The following SLC38A4 variants were observed in gnomAD, a reference collection of about 807,000 sequenced individuals.
SLC38A4 encodes the protein solute carrier family 38 member 4.
SLC38A4 carries 20 observed loss-of-function variants against 63.1 expected under a neutral mutation model. The ratio of observed to expected loss-of-function variants is 0.32; its 90% CI spans 0.22 to 0.46. SLC38A4 has a LOEUF of 0.46. Among genes scored for constraint, SLC38A4 ranks in the 20% least tolerant of loss-of-function variants. SLC38A4 has a pLI of 1.00. For synonymous variants in SLC38A4, 230 were observed against 225.5 expected (o/e 1.02, Z -0.18); for missense variants, 526 against 663.6 (o/e 0.79, Z 2.28).
At chr12:46,805,917 A>T (rs776337026) in intron 1 of SLC38A4, among the ~76,000 whole-genome samples, 13 of 151,892 alleles carry the variant, frequency 8.6e-5, no homozygotes, top group Non-Finnish European at 1.9e-4. Context: ...GGTAAGATAC[A>T]TCCACATAAA....
upstream of SLC38A4, among the ~76,000 whole-genome samples, chr12:46,827,178 T>C (rs920191932): frequency 6.6e-5 from 10 of 152,350 alleles, no homozygotes; most frequent in African/African-American, 2.4e-4. Context: ...TTCTCTGGGC[T>C]GGACTGTCTG....
chr12:46,810,991 C>T (rs1939330128), intron 1 of SLC38A4, among the ~76,000 whole-genome samples: 1 of 151,862 alleles, frequency 6.6e-6, no homozygotes, highest in Non-Finnish European at 1.5e-5. Context: ...TGTTTTTTCC[C>T]CATCTGCAAG....
At position 46,808,395 on chromosome 12, in the gene SLC38A4, A is replaced by C. The variant is rs564244226; in HGVS notation, c.-304-4601T>G. 2.0e-5 allele frequency among the ~76,000 whole-genome samples: 3 copies of C among 152,192 alleles called. No homozygotes were observed. The South Asian group carries it at 6.2e-4, about 32-fold the overall frequency. ...TAATGGAGCATTCTGGAAATGTTTG[A>C]ATAGTCAACTACTATGTTGCAAAAT... On this transcript the variant is annotated intron_variant, in intron 1 of 16. Coordinates refer to ENST00000266579, the MANE Select transcript of SLC38A4 (RefSeq NM_018018.5).
At chr12:46,795,512 C>T (rs2109125) in intron 2 of SLC38A4, among the ~76,000 whole-genome samples, 10,540 of 152,104 alleles carry the variant, frequency 0.069, 687 homozygotes, top group East Asian at 0.26. Flanking sequence ...TGGCTTCCTC[C>T]TCCAACCTCT....
At chr12:46,821,518 T>C (rs1939550541) in intron 1 of SLC38A4, among the ~76,000 whole-genome samples, 1 of 152,128 alleles carries the variant, frequency 6.6e-6, no homozygotes, top group African/African-American at 2.4e-5. Context: ...TATTGATCTA[T>C]CACTCTCTTT....
intron 7 of SLC38A4, among the ~76,000 whole-genome samples, chr12:46,783,015 A>G (rs1285766091): frequency 1.7e-5 from 1 of 60,148 alleles, no homozygotes; most frequent in Non-Finnish European, 3.7e-5. Flanking sequence ...AGAGTGAGAG[A>G]GAAAATGTGT....
At chr12:46,818,853 T>G (rs528100573) in intron 1 of SLC38A4, among the ~76,000 whole-genome samples, 2 of 152,000 alleles carry the variant, frequency 1.3e-5, no homozygotes, top group South Asian at 4.1e-4. Context: ...TCTGGGTGAG[T>G]AGACCAGTAC....
rs1298261993 is a variant in SLC38A4, at chr12:46,793,152, C to T, written c.-81G>A. On this transcript the variant is annotated 5_prime_UTR_variant, in exon 3 of 17. Coordinates refer to ENST00000266579, the MANE Select transcript of SLC38A4 (RefSeq NM_018018.5). ...ACTGTACCTTCAGCTTAAGGTTCTT[C>T]CACTTTGTGTTGATGTTCAGAACAC... The T allele has an allele frequency of 3.1e-6, 3 of 969,686 alleles. No individual in the cohort carries two copies. In the African/African-American group the frequency reaches 4.8e-5, roughly 16 times the overall value. 60.1% of individuals were successfully genotyped at this position (969,686 alleles called of 1,614,324 possible).
chr12:46,823,267 T>G (rs1466032095), intron 1 of SLC38A4, among the ~76,000 whole-genome samples: 1 of 152,126 alleles, frequency 6.6e-6, no homozygotes, highest in Non-Finnish European at 1.5e-5. Context: ...TCCCTCAAGT[T>G]TATAGGATTA....
chr12:46,807,355 T>G (rs1375402088), intron 1 of SLC38A4, among the ~76,000 whole-genome samples: 1 of 152,136 alleles, frequency 6.6e-6, no homozygotes, highest in African/African-American at 2.4e-5. Context: ...AGAAGTTACC[T>G]TTTACCGTAG....
intron 5 of SLC38A4, among the ~76,000 whole-genome samples, chr12:46,786,894 A>C (rs145413570): frequency 5.2e-4 from 79 of 152,332 alleles, no homozygotes; most frequent in African/African-American, 1.8e-3. Flanking sequence ...TTGCATTCTT[A>C]GACAGTTATT....
chr12:46,771,698 G>A (rs760251741), intron 14 of SLC38A4, among the ~76,000 whole-genome samples: 39 of 152,204 alleles, frequency 2.6e-4, no homozygotes, highest in South Asian at 2.1e-4. Flanking sequence ...TGTGGTGGTG[G>A]TGGAAAAGAT....
Position 46,778,341 on chromosome 12 carries a change from A to T in SLC38A4, c.1021T>A (p.Phe341Ile). ...RTAYAIPILV[F>I]AFVCHPEVLP... Reference sequence around the variant, plus strand: ...ACCTCAGGGTGGCATACAAAAGCAAATACTAGGATAGGAATTGCATAGGCC... The same window carrying T: ...ACCTCAGGGTGGCATACAAAAGCAATTACTAGGATAGGAATTGCATAGGCC... The change falls in exon 12 of 17, where the codon TTT becomes ATT. Residue 341 changes from phenylalanine to isoleucine, a missense_variant. By Grantham distance (21) the Phe-to-Ile change is conservative (BLOSUM62 0). Transcript: ENST00000266579. 1 of 1,612,796 alleles carries T rather than the reference A, an allele frequency of 6.2e-7. No homozygotes were observed. The highest frequency in any genetic ancestry group is 8.5e-7 in the Non-Finnish European group (1 of 1,179,204).
intron 14 of SLC38A4, 124 bp from the exon 15 acceptor site, chr12:46,769,552 T>G (rs1218248097): frequency 9.3e-7 from 1 of 1,074,912 alleles, no homozygotes; most frequent in Non-Finnish European, 1.3e-6. Context: ...AAGATGTTGA[T>G]GCTTTTTTCA....
At chr12:46,786,587 C>G (rs180435) in intron 5 of SLC38A4, among the ~76,000 whole-genome samples, 97,765 of 151,966 alleles carry the variant, frequency 0.64, 35,010 homozygotes, top group Non-Finnish European at 0.8. Flanking sequence ...GGAAAGGCAG[C>G]TTTTTTTGTC....
At chr12:46,773,789 G>A (rs1235921497) in intron 14 of SLC38A4, among the ~76,000 whole-genome samples, 3 of 152,022 alleles carry the variant, frequency 2.0e-5, no homozygotes, top group African/African-American at 4.8e-5. Flanking sequence ...ACCATGGCTT[G>A]AAAACACTAT....
At chr12:46,793,772 G>A (rs996445321) in intron 2 of SLC38A4, among the ~76,000 whole-genome samples, 1 of 152,088 alleles carries the variant, frequency 6.6e-6, no homozygotes, top group Admixed American at 6.6e-5. Context: ...ACAAAAGAAA[G>A]TTCAGATTTA....
intron 1 of SLC38A4, among the ~76,000 whole-genome samples, chr12:46,809,314 T>G (rs1216062515): frequency 6.6e-6 from 1 of 152,040 alleles, no homozygotes; most frequent in Non-Finnish European, 1.5e-5. Flanking sequence ...AAATAAGAAA[T>G]GCATGTTCAC....
chr12:46,828,546 C>T (rs1939690024), upstream of SLC38A4, among the ~76,000 whole-genome samples: 1 of 152,196 alleles, frequency 6.6e-6, no homozygotes, highest in African/African-American at 2.4e-5. Flanking sequence ...TGGTCTGGAA[C>T]TCCTGACCTC....
Sources: allele counts gnomAD v4.1 joint callset (sites outside exome capture counted in the v4.1 genomes callset), GRCh38; gene constraint gnomAD v4.1.1; transcripts MANE v1.5; gene names NCBI Gene and HGNC (gene_info 2026-07-23, HGNC 2026-07-21).